Variants in FRMPD1 observed in about 807,000 individuals in gnomAD.
FRMPD1 encodes FERM and PDZ domain containing 1, also known as FERM and PDZ domain-containing protein 1.
Under a neutral mutation model 117.8 loss-of-function variants are expected in FRMPD1, and 76 were observed. That is an observed-to-expected ratio of 0.65 (90% CI 0.54 to 0.78). The LOEUF (loss-of-function observed/expected upper bound fraction) is 0.78, where lower values mean the gene tolerates loss of function less well. FRMPD1 is among the 30% of genes least tolerant of loss of function. The pLI is 0.00. For synonymous variants in FRMPD1, 783 were observed against 770.4 expected, an observed-to-expected ratio of 1.02 and a Z score of -0.27; for missense variants, 1,786 against 1,964.5, an observed-to-expected ratio of 0.91 and a Z score of 1.72.
chr9:37,661,862 C>G (rs1028661946), intron 1 of FRMPD1: 4 of 152,482 alleles, frequency 2.6e-5, no homozygotes, highest in African/African-American at 9.6e-5. Flanking sequence ...CTCGTATACC[C>G]TTGACCAAAG....
At chr9:37,698,807 T>C (rs113572929) in intron 2 of FRMPD1, among the ~76,000 whole-genome samples, 2,069 of 152,246 alleles carry the variant, frequency 0.014, 20 homozygotes, top group South Asian at 0.028. Context: ...GGTGCAACCT[T>C]GGCTCACCGC....
chr9:37,664,354 T>A (rs1821095577), intron 1 of FRMPD1, among the ~76,000 whole-genome samples: 1 of 152,154 alleles, frequency 6.6e-6, no homozygotes, highest in East Asian at 1.9e-4. Flanking sequence ...ATGTGGAGAA[T>A]GTGCGAGTTT....
rs1260792563 is a variant in FRMPD1 at position 37,719,137 on chromosome 9, G to C, written c.477G>C (p.Val159=). The C allele has an allele frequency of 6.2e-7, 1 of 1,613,438 alleles. No individual in the cohort carries two copies. Among genetic ancestry groups the C allele is most frequent in the Non-Finnish European group, 8.5e-7 (1 of 1,179,332 alleles). Residue 159 remains valine, a synonymous_variant, in exon 6 of 16, where the codon GTG becomes GTC. Transcript: ENST00000377765. ...RARLKTNPVK[V]HFAEEVLISG... ...GACTGAAGACCAACCCCGTGAAGGT[G>C]CACTTTGCTGAAGAAGTGCTCATCA... is the stretch of plus-strand genomic sequence containing the variant.
chr9:37,740,873 G>A lies in FRMPD1; in HGVS notation c.2345G>A (p.Gly782Asp). The A allele has an allele frequency of 2.5e-6, 4 of 1,613,766 alleles. No individual in the cohort carries two copies. Among genetic ancestry groups the A allele is most frequent in the Non-Finnish European group, 3.4e-6 (4 of 1,179,684 alleles). The change falls in exon 15 of 16, where the codon GGC becomes GAC. Residue 782 changes from glycine to aspartate, a missense_variant. Transcript: ENST00000377765. This position sits in a 1 kb window ranked among gnomAD's most constrained non-coding sequence, Gnocchi z 4.2. ...YDAADKLTPPGPPSGPRDVST... is the reference protein window; with the variant it reads ...YDAADKLTPPDPPSGPRDVST... ...GCGGCTGATAAGCTCACTCCCCCAG[G>A]CCCCCCGTCAGGTGAGCCGTCCCTT...
chr9:37,677,172 A>T (rs1821559110), intron 1 of FRMPD1, among the ~76,000 whole-genome samples: 1 of 152,244 alleles, frequency 6.6e-6, no homozygotes, highest in Non-Finnish European at 1.5e-5. Flanking sequence ...CTTTCAGGGA[A>T]GGAACCTCAA....
At position 37,746,715 on chromosome 9, in the gene FRMPD1, C is replaced by T. The variant is rs540253405; in HGVS notation, c.4683C>T (p.Leu1561=). Residue 1561 remains leucine (L), a synonymous_variant, in exon 16 of 16, where the codon CTC becomes CTT. Transcript: ENST00000377765. ...VKLLARQCTA[L]TAAVFCLTQK... is the part of the protein sequence containing the mutation. ...TCCTGGCCCGTCAGTGCACGGCCCT[C>T]ACGGCCGCCGTGTTCTGTTTGACCC... The T allele has an allele frequency of 1.9e-6, 3 of 1,614,068 alleles. No individual in the cohort carries two copies. In the East Asian group the frequency reaches 6.7e-5, roughly 36 times the overall value.
chr9:37,619,999 C>T, the FRMPD1 span, among the ~76,000 whole-genome samples: 1 of 151,922 alleles, frequency 6.6e-6, no homozygotes, highest in Non-Finnish European at 1.5e-5. Flanking sequence ...TGATATATTC[C>T]CCAGTAGGAG....
chr9:37,666,055 C>T (rs990110220), intron 1 of FRMPD1, among the ~76,000 whole-genome samples: 4 of 152,122 alleles, frequency 2.6e-5, no homozygotes, highest in Non-Finnish European at 4.4e-5. Context: ...ATTACCTCAT[C>T]GTTAATTTTC....
At chr9:37,631,204 A>G in the FRMPD1 span, among the ~76,000 whole-genome samples, 1 of 152,250 alleles carries the variant, frequency 6.6e-6, no homozygotes, top group Non-Finnish European at 1.5e-5. Flanking sequence ...AAATGGTTAA[A>G]AGCAAGAAAA....
intron 5 of FRMPD1, among the ~76,000 whole-genome samples, chr9:37,717,329 G>GTA (rs1228668857): frequency 1.6e-5 from 2 of 128,786 alleles, no homozygotes; most frequent in African/African-American, 5.7e-5. Context: ...GTGTGTGTGT[G>GTA]TATGTGTATA....
the FRMPD1 span, among the ~76,000 whole-genome samples, chr9:37,643,670 C>T: frequency 6.6e-6 from 1 of 152,252 alleles, no homozygotes; most frequent in East Asian, 1.9e-4. Flanking sequence ...TGGTTGTGCT[C>T]CTTCAAGCTA....
the FRMPD1 span, among the ~76,000 whole-genome samples, chr9:37,610,053 C>T: frequency 6.6e-6 from 1 of 152,378 alleles, no homozygotes; most frequent in East Asian, 1.9e-4. Flanking sequence ...TTCTTCCCAA[C>T]TTTAGTTTCT....
chr9:37,662,870 G>A (rs1048567600), intron 1 of FRMPD1, among the ~76,000 whole-genome samples: 3 of 152,176 alleles, frequency 2.0e-5, no homozygotes, highest in Non-Finnish European at 2.9e-5. Context: ...TACTGTTTGT[G>A]TGCCTGAGAA....
chr9:37,624,510 C>G, the FRMPD1 span, among the ~76,000 whole-genome samples: 16 of 152,110 alleles, frequency 1.1e-4, no homozygotes, highest in Admixed American at 1.0e-3. Context: ...AAAGGGGTTT[C>G]CCTCAAAACC....
At chr9:37,617,434 C>A in the FRMPD1 span, among the ~76,000 whole-genome samples, 2 of 152,214 alleles carry the variant, frequency 1.3e-5, no homozygotes, top group Admixed American at 6.5e-5. Context: ...GGCTCTGTGC[C>A]TGTTTCCTCA....
intron 7 of FRMPD1, among the ~76,000 whole-genome samples, chr9:37,729,382 C>CAAAAAAA (rs60967717): frequency 1.5e-4 from 8 of 54,722 alleles, no homozygotes; most frequent in African/African-American, 5.5e-4. Flanking sequence ...GAGACCCTCT[C>CAAAAAAA]AAAAAAAAAA....
At chr9:37,619,102 A>C in the FRMPD1 span, among the ~76,000 whole-genome samples, 2 of 152,240 alleles carry the variant, frequency 1.3e-5, no homozygotes, top group Admixed American at 6.5e-5. Flanking sequence ...GTAAACCGAC[A>C]TGCCATAAGG....
At chr9:37,614,765 A>G in the FRMPD1 span, among the ~76,000 whole-genome samples, 1 of 152,262 alleles carries the variant, frequency 6.6e-6, no homozygotes, top group Admixed American at 6.5e-5. Flanking sequence ...ATTCTAGCCC[A>G]GTAAGTAGGC....
Position 37,744,903 on chromosome 9 carries a change from T to G in FRMPD1, c.2871T>G (p.Gly957=). 1 of 1,614,218 alleles carries G rather than the reference T, an allele frequency of 6.2e-7. No individual in the cohort carries two copies. The highest frequency in any genetic ancestry group is 1.7e-5 in the Admixed American group (1 of 60,030). The change falls in exon 16 of 16, where the codon GGT becomes GGG. Residue 957 remains glycine, a synonymous_variant. Transcript: ENST00000377765. The part of the protein sequence containing the change: ...RIDPNNKENS[G]VVPAASSSAS... The stretch of plus-strand genomic sequence containing the variant: ...ACCCCAACAATAAAGAGAATTCTGG[T>G]GTTGTCCCTGCTGCCAGCTCCTCAG...
Sources: allele counts gnomAD v4.1 joint callset (sites outside exome capture counted in the v4.1 genomes callset), GRCh38; gene constraint gnomAD v4.1.1; non-coding constraint Gnocchi (gnomAD v3.1); transcripts MANE v1.5; gene names NCBI Gene and HGNC (gene_info 2026-07-23, HGNC 2026-07-21).